The following NEB variants were observed in gnomAD, a reference collection of about 807,000 sequenced individuals.
The protein encoded by NEB is nebulin, also known as nemaline myopathy type 2.
Under a neutral mutation model 952.2 loss-of-function variants are expected in NEB, and 512 were observed. The ratio of observed to expected loss-of-function variants is 0.54; its 90% confidence interval spans 0.50 to 0.58. The LOEUF is 0.58. Ranked by LOEUF, NEB falls within the 20% of genes least tolerant of loss-of-function variation. NEB has a pLI of 0.00. For missense variants in NEB, 8,428 were observed against 9,231.1 expected (o/e 0.91, Z 3.56); for synonymous variants, 2,900 against 3,149.8 (o/e 0.92, Z 2.66).
chr2:151,620,221 A>C (rs1395352216), intron 72 of NEB, among the ~76,000 whole-genome samples: 1 of 151,474 alleles, frequency 6.6e-6, no homozygotes, highest in East Asian at 1.9e-4. Context: ...TAGAGAGTTT[A>C]AGTTTTACAA....
intron 75 of NEB, 124 bp from the exon 76 acceptor site, chr2:151,616,233 G>A (rs895615269): frequency 1.0e-5 from 7 of 674,400 alleles, no homozygotes; most frequent in African/African-American, 9.2e-5. Flanking sequence ...ATTAGGGTGG[G>A]TTTATAGATA....
rs956309067 is a variant in NEB at position 151,658,069 on chromosome 2, C to T, written c.6097G>A (p.Glu2033Lys). ...MSDKLYKLSL[E>K]ESKKKGYDLR... ...TCATAGCCTTTCTTTTTAGACTCTT[C>T]CAAGGAAAGTTTGTAGAGTTTCTGT... The change falls in exon 48 of 182, where the codon GAA becomes AAA. Residue 2033 changes from glutamate to lysine, a missense_variant. Glu to Lys is a moderately conservative substitution (Grantham distance 56). Around this residue, in one of 11 missense-constraint regions of NEB, gnomAD observed 2,851 missense variants for 2,791.5 expected, o/e 1.02. Coordinates refer to ENST00000397345, the MANE Select transcript of NEB (RefSeq NM_001164508.2). The T allele has an allele frequency of 1.8e-5, 29 of 1,605,360 alleles. No individual in the cohort carries two copies. The Admixed American group carries it at 4.9e-4, about 27-fold the overall frequency.
intron 9 of NEB, among the ~76,000 whole-genome samples, chr2:151,719,050 C>A (rs1294484954): frequency 6.6e-6 from 1 of 152,204 alleles, no homozygotes; most frequent in Non-Finnish European, 1.5e-5. Context: ...TCCCTGACTC[C>A]TGAGCCAGAC....
In NEB at chr2:151,729,779, G is replaced by A. The variant is rs2099801321; in HGVS notation, c.37-123C>T. 3 of 949,416 alleles carry A rather than the reference G, an allele frequency of 3.2e-6. No homozygotes were observed. The Admixed American group carries it at 5.4e-5, about 17-fold the overall frequency. The allele number at this position is 949,416 out of a possible 1,614,324, so 58.8% of individuals were successfully genotyped here. A position where few individuals can be genotyped will look rare whatever the true frequency, so the allele number is the denominator to read the frequency against. On this transcript the variant is annotated intron_variant, in intron 3 of 181. Coordinates refer to ENST00000397345, the MANE Select transcript of NEB (RefSeq NM_001164508.2). ...TTGATTTGGAATGTCTGTGGGAAAG[G>A]GGTAGGTGAGGGAGCCTGTTCATAT...
intron 3 of NEB, among the ~76,000 whole-genome samples, chr2:151,732,077 T>A (rs559287425): frequency 6.6e-6 from 1 of 152,296 alleles, no homozygotes; most frequent in African/African-American, 2.4e-5. Flanking sequence ...AAAGAGAAAT[T>A]TTGGCACTGC....
At chr2:151,501,104 G>GTGTT (rs989889777) in intron 168 of NEB, among the ~76,000 whole-genome samples, 13 of 152,180 alleles carry the variant, frequency 8.5e-5, no homozygotes, top group South Asian at 4.1e-4. Context: ...AAGAGCTTTA[G>GTGTT]TGTTTGGTTT....
intron 32 of NEB, among the ~76,000 whole-genome samples, chr2:151,679,036 C>T (rs577676687): frequency 1.3e-5 from 2 of 152,146 alleles, no homozygotes; most frequent in African/African-American, 4.8e-5. Context: ...AGAGGAGACC[C>T]GCAGGAGGAG....
Position 151,516,467 on chromosome 2 carries a change from G to T in NEB, c.22897C>A (p.Gln7633Lys). Reference protein sequence around the residue: ...YITAKESQQMQSGKEYRKDYE... With the variant: ...YITAKESQQMKSGKEYRKDYE... The stretch of plus-strand genomic sequence containing the variant: ...TGGTTTTTTTGACTTACCCCACTCT[G>T]CATCTGCTGAGACTCTTTGGCAGTG... The change falls in exon 157 of 182, where the codon CAG becomes AAG. Residue 7633 changes from glutamine (Q) to lysine (K), a missense_variant. Gln to Lys is a moderately conservative substitution (Grantham distance 53). Coordinates refer to ENST00000397345, the MANE Select transcript of NEB (RefSeq NM_001164508.2). 1 of 1,608,968 alleles carries T rather than the reference G, an allele frequency of 6.2e-7. No individual in the cohort carries two copies. The highest frequency in any genetic ancestry group is 8.5e-7 in the Non-Finnish European group (1 of 1,175,696).
At position 151,519,759 on chromosome 2, in the gene NEB, G is replaced by A. The variant is rs760935667; in HGVS notation, c.22489C>T (p.Arg7497Ter). 7 of 1,604,630 alleles carry A rather than the reference G, an allele frequency of 4.4e-6. No individual in the cohort carries two copies. Among genetic ancestry groups the A allele is most frequent in the South Asian group, 2.2e-5 (2 of 90,800 alleles). The change falls in exon 154 of 182, where the codon CGA becomes TGA. Residue 7497 changes from arginine (R) to a stop codon, truncating the protein, a stop_gained. Transcript: ENST00000397345. LOFTEE classifies it high-confidence loss of function. The stretch of plus-strand genomic sequence containing the variant: ...CCCTTTTCTTTATCGAAATTTTCTC[G>A]GTATTTAACCTAACAGCAAATGCAA... ...AAKLSSQVKY[R>*]ENFDKEKGKT...
intron 141 of NEB, among the ~76,000 whole-genome samples, chr2:151,536,164 T>A: frequency 6.6e-6 from 1 of 152,170 alleles, no homozygotes; most frequent in East Asian, 1.9e-4. Flanking sequence ...TGCCTTGGCC[T>A]CCCAAGTGCT....
chr2:151,674,361 G>T (rs2099340512), intron 36 of NEB, 116 bp downstream of exon 36: 4 of 881,296 alleles, frequency 4.5e-6, no homozygotes, highest in Non-Finnish European at 7.3e-6. Context: ...AATATTTTGA[G>T]AATTTAAATG....
intron 5 of NEB, among the ~76,000 whole-genome samples, chr2:151,725,786 C>A (rs941254295): frequency 6.6e-6 from 1 of 152,128 alleles, no homozygotes; most frequent in Non-Finnish European, 1.5e-5. Flanking sequence ...TTATTATAGA[C>A]TATTGTCTTG....
rs975084061 is a variant in NEB, at chr2:151,531,877, T to C, written c.21437A>G (p.Tyr7146Cys). 18 of 1,592,802 alleles carry C rather than the reference T, an allele frequency of 1.1e-5. No individual in the cohort carries two copies. The highest frequency in any genetic ancestry group is 1.5e-5 in the Non-Finnish European group (17 of 1,169,860). Residue 7146 changes from tyrosine to cysteine, a missense_variant, in exon 144 of 182, where the codon TAT (tyrosine) becomes TGT (cysteine). By Grantham distance (194) the Tyr-to-Cys change is radical. Coordinates refer to ENST00000397345, the MANE Select transcript of NEB (RefSeq NM_001164508.2). ...GGTAAATTTGTCCTTTGATTTTTCA[T>C]AGTTTTTCCTGTATTTGATCTAAAT... is the stretch of plus-strand genomic sequence containing the variant. ...MWSQIKYRKN[Y>C]EKSKDKFTSI...
intron 105 of NEB, among the ~76,000 whole-genome samples, chr2:151,578,807 C>T (rs2096999357): frequency 6.6e-6 from 1 of 151,640 alleles, no homozygotes. Context: ...CAAGGCTGGG[C>T]ATGGTGGCTC....
chr2:151,548,955 G>A (rs150893414), intron 130 of NEB, among the ~76,000 whole-genome samples: 73 of 152,250 alleles, frequency 4.8e-4, no homozygotes, highest in African/African-American at 1.7e-3. Context: ...TTCCACCAGC[G>A]GCTCATTGTG....
At chr2:151,694,703 A>T in intron 18 of NEB, 74 bp from the exon 19 acceptor site, 1 of 1,065,964 alleles carries the variant, frequency 9.4e-7, no homozygotes, top group South Asian at 1.4e-5. Flanking sequence ...CTAGTGGGTA[A>T]CTAAATACCT....
At chr2:151,707,055 C>G in intron 12 of NEB, 58 bp from the exon 13 acceptor site, 1 of 1,099,090 alleles carries the variant, frequency 9.1e-7, no homozygotes, top group South Asian at 1.5e-5. Flanking sequence ...GCCCCCGTCT[C>G]TATTATGAAT....
chr2:151,666,227 C>T lies in NEB; in HGVS notation c.4894G>A (p.Val1632Ile), dbSNP rs1575593044. ...KTKYHTPLDM[V>I]SVTAAKKSQE... ...GATTTCTTTGCAGCTGTCACACTGA[C>T]CATATCCAGAGGTGTGTGGTACTTG... The change falls in exon 41 of 182, where the codon GTC (valine) becomes ATC (isoleucine). Residue 1632 changes from valine to isoleucine, a missense_variant. By Grantham distance (29) the Val-to-Ile change is conservative. This residue lies in a region of NEB where 2,851 missense variants were observed against 2,791.5 expected (regional missense o/e 1.02). Coordinates refer to ENST00000397345, the MANE Select transcript of NEB (RefSeq NM_001164508.2). The T allele has an allele frequency of 1.9e-6, 3 of 1,613,844 alleles. No homozygotes were observed. The South Asian group carries it at 3.3e-5, about 18-fold the overall frequency.
At chr2:151,547,574 C>T (rs372473041) in intron 132 of NEB, 41 bp from the exon 133 acceptor site, 42 of 1,600,918 alleles carry the variant, frequency 2.6e-5, no homozygotes, top group Non-Finnish European at 3.6e-5. Context: ...GTATTAGAGA[C>T]CGAATGATTA....
Sources: gnomAD v4.1 joint callset for allele counts (sites outside exome capture counted in the v4.1 genomes callset) on GRCh38, gnomAD v4.1.1 for gene constraint, gnomAD v4.1.1 regional missense constraint, MANE v1.5 for transcripts, NCBI Gene and HGNC (gene_info 2026-07-23, HGNC 2026-07-21) for gene names.